KLHDC3: variants seen among roughly 807,000 people sequenced by gnomAD.
KLHDC3 encodes kelch domain containing 3, also known as kelch domain-containing protein 3.
KLHDC3 carries 5 observed loss-of-function variants against 44.1 expected under a neutral mutation model. The observed-to-expected ratio is 0.11, with a 90% CI of 0.06 to 0.24. The LOEUF (loss-of-function observed/expected upper bound fraction) is 0.24, where lower values mean the gene tolerates loss of function less well. Ranked by LOEUF, KLHDC3 falls within the 10% of genes least tolerant of loss-of-function variation. KLHDC3 has a pLI of 1.00. For missense variants in KLHDC3, 247 were observed against 514.3 expected (o/e 0.48, Z 5.03); for synonymous variants, 170 against 189.0 (o/e 0.90, Z 0.82).
In KLHDC3 at chr6:43,018,991, G is replaced by GCCCC; in HGVS notation, c.929+20_929+21insCCCC. 1 of 1,524,312 alleles carries GCCCC rather than the reference G, an allele frequency of 6.6e-7. No individual in the cohort carries two copies. Among genetic ancestry groups the GCCCC allele is most frequent in the Non-Finnish European group, 9.1e-7 (1 of 1,101,078 alleles). The allele number at this position is 1,524,312 out of a possible 1,614,324, so 94.4% of individuals were successfully genotyped here. ...TACCAGGTTAGAAGGAGAGAGGGAA[G>GCCCC]GGGCTCAGGGAAGTCACTAATGGGA... On this transcript the variant is annotated intron_variant, in intron 8 of 10. Coordinates refer to ENST00000326974, the MANE Select transcript of KLHDC3 (RefSeq NM_057161.4). The surrounding 1 kb of genome is among the most constrained non-coding windows in gnomAD (Gnocchi z 6.0).
chr6:43,016,964 TC>T, intron 1 of KLHDC3, 169 bp from the exon 2 acceptor site: 1 of 571,958 alleles, frequency 1.7e-6, no homozygotes. Flanking sequence ...CCTCGGCAGC[TC>T]CCTTGGGGCA....
In KLHDC3 at chr6:43,014,300, C is replaced by T; in HGVS notation, c.-108C>T. The T allele has an allele frequency of 1.4e-6, 1 of 699,162 alleles. No individual in the cohort carries two copies. The allele number at this position is 699,162 out of a possible 1,614,324, so 43.3% of individuals were successfully genotyped here. The stretch of plus-strand genomic sequence containing the variant: ...CGGTTGGCGCGCAACGGGTTCTAGG[C>T]TGCAGGCAGCTCGAGGACCCGCGGC... On this transcript the variant is annotated 5_prime_UTR_variant, in exon 1 of 11. Coordinates refer to ENST00000326974, the MANE Select transcript of KLHDC3 (RefSeq NM_057161.4).
Position 43,018,495 on chromosome 6 carries a change from G to C in KLHDC3, c.672G>C (p.Glu224Asp). 1 of 1,614,194 alleles carries C rather than the reference G, an allele frequency of 6.2e-7. No individual in the cohort carries two copies. The highest frequency in any genetic ancestry group is 2.2e-5 in the East Asian group (1 of 44,882). The change falls in exon 6 of 11, where the codon GAG becomes GAC. Residue 224 changes from glutamate to aspartate, a missense_variant. This residue lies in a region of KLHDC3 where 176 missense variants were observed against 413.5 expected (regional missense o/e 0.43). Coordinates refer to ENST00000326974, the MANE Select transcript of KLHDC3 (RefSeq NM_057161.4). The surrounding 1 kb of genome is among the most constrained non-coding windows in gnomAD (Gnocchi z 6.0). ...TTCGAGTCTTTGACACCAGAACTGA[G>C]GCTTGGCTGGACTGTCCCCCGACTC... ...NRIRVFDTRT[E>D]AWLDCPPTPV...
Position 43,017,667 on chromosome 6 carries a change from C to T in KLHDC3, c.303C>T (p.Ala101=). ...LWGGRNDTEG[A]CNVLYAFDVN... ...GCGGGCGGAATGACACCGAAGGGGC[C>T]TGCAATGTGCTCTATGCCTTTGACG... Residue 101 remains alanine, a synonymous_variant, in exon 3 of 11, where the codon GCC becomes GCT. Transcript: ENST00000326974. The surrounding 1 kb of genome is among the most constrained non-coding windows in gnomAD (Gnocchi z 6.0). 6.2e-7 allele frequency: 1 copy of T among 1,613,280 alleles called. No homozygotes were observed. The highest frequency in any genetic ancestry group is 8.5e-7 in the Non-Finnish European group (1 of 1,179,600).
chr6:43,016,577 C>T (rs1762580712), intron 1 of KLHDC3: 2 of 152,572 alleles, frequency 1.3e-5, no homozygotes, highest in East Asian at 3.8e-4. Context: ...GGTCCCTGTC[C>T]TGGATCAGTC....
rs756094715 is a variant in KLHDC3, at chr6:43,020,721, C to T, written c.1137C>T (p.Ser379=). ...GCAATATCAGTCGCCCCATCGTCTCCTCCCATGGGTAGGAGGAAGTTTCTG... is the reference window on the plus strand; with the variant it reads ...GCAATATCAGTCGCCCCATCGTCTCTTCCCATGGGTAGGAGGAAGTTTCTG... ...TNSNISRPIV[S]SHG Residue 379 remains serine, a synonymous_variant, in exon 11 of 11, where the codon TCC becomes TCT. Coordinates refer to ENST00000326974, the MANE Select transcript of KLHDC3 (RefSeq NM_057161.4). 11 of 1,613,734 alleles carry T rather than the reference C, an allele frequency of 6.8e-6. No homozygotes were observed. The highest frequency in any genetic ancestry group is 2.2e-5 in the East Asian group (1 of 44,882).
rs930181520 is a variant in KLHDC3, at chr6:43,020,923, C to T, written c.*190C>T. 2.4e-5 allele frequency: 16 copies of T among 666,660 alleles called. No homozygotes were observed. Among genetic ancestry groups the T allele is most frequent in the Non-Finnish European group, 3.6e-5 (13 of 364,720 alleles). 41.3% of individuals were successfully genotyped at this position (666,660 alleles called of 1,614,324 possible). On this transcript the variant is annotated 3_prime_UTR_variant, in exon 11 of 11. Coordinates refer to ENST00000326974, the MANE Select transcript of KLHDC3 (RefSeq NM_057161.4). ...CGGGGTGGGGGCTAGGTTCCTCCCC[C>T]CTTGGGCCGAGGGCCCCTTCCCCTT... is the stretch of plus-strand genomic sequence containing the variant.
chr6:43,021,034 G>A lies in KLHDC3; in HGVS notation c.*301G>A, dbSNP rs1024181148. 4.3e-5 allele frequency: 24 copies of A among 558,514 alleles called. No individual in the cohort carries two copies. The highest frequency in any genetic ancestry group is 7.5e-5 in the Non-Finnish European group (22 of 293,362). The allele number at this position is 558,514 out of a possible 1,614,324, so 34.6% of individuals were successfully genotyped here. A position where few individuals can be genotyped will look rare whatever the true frequency, so the allele number is the denominator to read the frequency against. ...CAGCCAGGTTCTGCTGGGAAGGGAA[G>A]GGAATGGGGAGAAGGGAGAAGCAAG... is the stretch of plus-strand genomic sequence containing the variant. On this transcript the variant is annotated 3_prime_UTR_variant, in exon 11 of 11. Coordinates refer to ENST00000326974, the MANE Select transcript of KLHDC3 (RefSeq NM_057161.4).
In KLHDC3 at chr6:43,018,166, A is replaced by G. The variant is rs1762619230; in HGVS notation, c.469A>G (p.Ile157Val). 3 of 1,611,414 alleles carry G rather than the reference A, an allele frequency of 1.9e-6. No individual in the cohort carries two copies. Among genetic ancestry groups the G allele is most frequent in the Admixed American group, 1.7e-5 (1 of 59,990 alleles). ...TCAGGCGGACTGTTTTTCCAATGAC[A>G]TTCACAAGCTAGATACCAGCACCAT... ...EQQADCFSND[I>V]HKLDTSTMTW... Residue 157 changes from isoleucine (I) to valine (V), a missense_variant, in exon 5 of 11, where the codon ATT becomes GTT. Physicochemically the swap from Ile to Val is conservative, Grantham distance 29. This residue lies in a region of KLHDC3 where 176 missense variants were observed against 413.5 expected (regional missense o/e 0.43). Coordinates refer to ENST00000326974, the MANE Select transcript of KLHDC3 (RefSeq NM_057161.4). This position sits in a 1 kb window ranked among gnomAD's most constrained non-coding sequence, Gnocchi z 6.0.
rs558339860 is a variant in KLHDC3 at position 43,015,976 on chromosome 6, G to A, written c.-59-1158G>A. Among the ~76,000 whole-genome samples the A allele has an allele frequency of 8.6e-4, 129 of 150,442 alleles. 4 individuals are homozygous for A. Among genetic ancestry groups the A allele is most frequent in the South Asian group, 2.1e-4 (1 of 4,772 alleles). Reference sequence around the variant, plus strand: ...TTTTGAGACAGAGTCTCGCTCTGTCGCCAGACTGGAGTGCAGTGGTGTGAT... The same window carrying A: ...TTTTGAGACAGAGTCTCGCTCTGTCACCAGACTGGAGTGCAGTGGTGTGAT... On this transcript the variant is annotated intron_variant, in intron 1 of 10. Coordinates refer to ENST00000326974, the MANE Select transcript of KLHDC3 (RefSeq NM_057161.4).
At chr6:43,020,031 C>T (rs1762654559) in intron 10 of KLHDC3, among the ~76,000 whole-genome samples, 1 of 152,082 alleles carries the variant, frequency 6.6e-6, no homozygotes, top group Non-Finnish European at 1.5e-5. Context: ...CAAAAATTAG[C>T]TGGGCATAGT....
chr6:43,014,340 G>T lies in KLHDC3; in HGVS notation c.-68G>T. 3 of 616,412 alleles carry T rather than the reference G, an allele frequency of 4.9e-6. No homozygotes were observed. The highest frequency in any genetic ancestry group is 2.8e-5 in the East Asian group (1 of 35,952). 38.2% of individuals were successfully genotyped at this position (616,412 alleles called of 1,614,324 possible). ...GGACCCGCGGCCCCGCCCCGGCTCG[G>T]CCTGGCAGGTAGCCTGGGATGGGTA... is the stretch of plus-strand genomic sequence containing the variant. On this transcript the variant is annotated 5_prime_UTR_variant, in exon 1 of 11. Transcript: ENST00000326974.
At position 43,020,920 on chromosome 6, in the gene KLHDC3, C is replaced by T. The variant is rs561165330; in HGVS notation, c.*187C>T. 10 of 664,622 alleles carry T rather than the reference C, an allele frequency of 1.5e-5. 1 individual carries two copies. Among genetic ancestry groups the T allele is most frequent in the Admixed American group, 1.1e-4 (5 of 46,562 alleles). 41.2% of individuals were successfully genotyped at this position (664,622 alleles called of 1,614,324 possible). A position where few individuals can be genotyped will look rare whatever the true frequency, so the allele number is the denominator to read the frequency against. ...TAGCGGGGTGGGGGCTAGGTTCCTC[C>T]CCCCTTGGGCCGAGGGCCCCTTCCC... On this transcript the variant is annotated 3_prime_UTR_variant, in exon 11 of 11. Coordinates refer to ENST00000326974, the MANE Select transcript of KLHDC3 (RefSeq NM_057161.4).
At chr6:43,015,822 C>T (rs1762556374) in intron 1 of KLHDC3, among the ~76,000 whole-genome samples, 1 of 144,622 alleles carries the variant, frequency 6.9e-6, no homozygotes, top group African/African-American at 2.7e-5. Flanking sequence ...CCATTGCGCT[C>T]CAGCCTGGGG....
In KLHDC3 at chr6:43,019,270, A is replaced by G. The variant is rs754295706; in HGVS notation, c.1004-18A>G. 14 of 1,606,276 alleles carry G rather than the reference A, an allele frequency of 8.7e-6. No individual in the cohort carries two copies. The highest frequency in any genetic ancestry group is 7.7e-6 in the Non-Finnish European group (9 of 1,173,110). On this transcript the variant is annotated intron_variant, in intron 9 of 10. Transcript: ENST00000326974. The stretch of plus-strand genomic sequence containing the variant: ...CCTCACCTTTGACCATCTCCTTTCC[A>G]CAACTTCTCCCTTAAAGGCCCTAGT...
rs1423731507 is a variant in KLHDC3 at position 43,018,486 on chromosome 6, C to G, written c.663C>G (p.Thr221=). 2.5e-6 allele frequency: 4 copies of G among 1,614,042 alleles called. No individual in the cohort carries two copies. The highest frequency in any genetic ancestry group is 1.3e-5 in the African/African-American group (1 of 74,912). ...IYCNRIRVFD[T]RTEAWLDCPP... ...GCAACCGCATTCGAGTCTTTGACAC[C>G]AGAACTGAGGCTTGGCTGGACTGTC... is the stretch of plus-strand genomic sequence containing the variant. The change falls in exon 6 of 11, where the codon ACC becomes ACG. Residue 221 remains threonine, a synonymous_variant. Transcript: ENST00000326974. This position sits in a 1 kb window ranked among gnomAD's most constrained non-coding sequence, Gnocchi z 6.0.
chr6:43,019,394 TTGAGTGAGGG>T, intron 10 of KLHDC3, 28 bp downstream of exon 10: 1 of 1,515,436 alleles, frequency 6.6e-7, no homozygotes, highest in Non-Finnish European at 9.2e-7. Flanking sequence ...AAGGGAGGGA[TTGAGTGAGGG>T]TGAGTGAGCA....
intron 10 of KLHDC3, among the ~76,000 whole-genome samples, 167 bp downstream of exon 10, chr6:43,019,533 A>T (rs1365061170): frequency 6.6e-6 from 1 of 152,200 alleles, no homozygotes; most frequent in African/African-American, 2.4e-5. Flanking sequence ...GACAGCCATC[A>T]TATAAAACTG....
chr6:43,016,402 G>A (rs1007491150), intron 1 of KLHDC3: 2 of 152,260 alleles, frequency 1.3e-5, no homozygotes, highest in African/African-American at 4.8e-5. Flanking sequence ...CATCCCCCAA[G>A]CCTAAGCATA....
Sources: allele counts gnomAD v4.1 joint callset (sites outside exome capture counted in the v4.1 genomes callset), GRCh38; gene constraint gnomAD v4.1.1; regional missense constraint gnomAD v4.1.1; non-coding constraint Gnocchi (gnomAD v3.1); transcripts MANE v1.5; gene names NCBI Gene and HGNC (gene_info 2026-07-23, HGNC 2026-07-21).